LAMC2: variants seen among roughly 807,000 people sequenced by gnomAD.
LAMC2 encodes the protein laminin subunit gamma 2.
LAMC2 carries 97 observed loss-of-function variants against 140.2 expected under a neutral mutation model. The ratio of observed to expected loss-of-function variants is 0.69; its 90% CI spans 0.59 to 0.82. LAMC2 has a LOEUF of 0.82. Among genes scored for constraint, LAMC2 ranks in the 40% least tolerant of loss-of-function variants. The probability of loss-of-function intolerance (pLI) is 0.00; values close to 1 mark genes in which losing one functional copy is unlikely to be tolerated. For synonymous variants in LAMC2, 513 were observed against 540.2 expected, an observed-to-expected ratio of 0.95 and a Z score of 0.70; for missense variants, 1,402 against 1,476.1, an observed-to-expected ratio of 0.95 and a Z score of 0.82.
At chr1:183,257,717 C>G in the LAMC2 span, among the ~76,000 whole-genome samples, 1 of 150,830 alleles carries the variant, frequency 6.6e-6, no homozygotes, top group African/African-American at 2.4e-5. Flanking sequence ...GTTATAATGT[C>G]TACACTTTCA....
rs566540438 is a variant in LAMC2, at chr1:183,218,334, C to G, written c.405-56C>G. On this transcript the variant is annotated intron_variant, in intron 3 of 22. Transcript: ENST00000264144. ...CTCATGAGCAGTTGATTTTTATGTG[C>G]ATAGTTGTGAAGCATTTGGAAGCAT... 6.7e-6 allele frequency: 9 copies of G among 1,343,668 alleles called. No homozygotes were observed. In the African/African-American group the frequency reaches 1.1e-4, roughly 17 times the overall value. The allele number at this position is 1,343,668 out of a possible 1,614,324, so 83.2% of individuals were successfully genotyped here. A position where few individuals can be genotyped will look rare whatever the true frequency, so the allele number is the denominator to read the frequency against.
At chr1:183,234,142 C>T (rs1460047720) in intron 14 of LAMC2, among the ~76,000 whole-genome samples, 1 of 152,198 alleles carries the variant, frequency 6.6e-6, no homozygotes. Context: ...CCGCCCTGGC[C>T]TCCCAAAGTG....
intron 1 of LAMC2, among the ~76,000 whole-genome samples, chr1:183,187,080 G>A (rs1658177628): frequency 6.6e-6 from 1 of 152,180 alleles, no homozygotes; most frequent in South Asian, 2.1e-4. Context: ...TGAGAACCTA[G>A]CAACTCTTAA....
intron 1 of LAMC2, among the ~76,000 whole-genome samples, chr1:183,195,657 A>G (rs1658489920): frequency 6.6e-6 from 1 of 152,208 alleles, no homozygotes; most frequent in Admixed American, 6.5e-5. Flanking sequence ...AAAATTTGCA[A>G]AAGAAGCCTA....
At chr1:183,253,692 A>G in the LAMC2 span, among the ~76,000 whole-genome samples, 2 of 151,258 alleles carry the variant, frequency 1.3e-5, no homozygotes, top group African/African-American at 4.9e-5. Context: ...CCTTTGATCT[A>G]TATCTCCCCA....
chr1:183,257,635 A>G, the LAMC2 span, among the ~76,000 whole-genome samples: 1 of 152,146 alleles, frequency 6.6e-6, no homozygotes, highest in East Asian at 1.9e-4. Context: ...CCTGCCCTCT[A>G]GGTTACCAAA....
At chr1:183,234,863 C>A (rs1369797632) in intron 15 of LAMC2, among the ~76,000 whole-genome samples, 1 of 150,984 alleles carries the variant, frequency 6.6e-6, no homozygotes, top group African/African-American at 2.5e-5. Context: ...GGGGGAACTT[C>A]CTCCTGAAAA....
Position 183,243,355 on chromosome 1 carries a change from C to G in LAMC2, c.3537C>G (p.Asn1179Lys). The change falls in exon 23 of 23, where the codon AAC (asparagine) becomes AAG (lysine). Residue 1179 changes from asparagine to lysine, a missense_variant. Asn to Lys is a moderately conservative substitution (Grantham distance 94). Coordinates refer to ENST00000264144, the MANE Select transcript of LAMC2 (RefSeq NM_005562.3). The stretch of plus-strand genomic sequence containing the variant: ...AGAACTTGGAGAACATTAGGGACAA[C>G]CTGCCCCCAGGCTGCTACAATACCC... The part of the protein sequence containing the change: ...DVKNLENIRD[N>K]LPPGCYNTQA... The G allele has an allele frequency of 6.2e-7, 1 of 1,614,178 alleles. No homozygotes were observed. Among genetic ancestry groups the G allele is most frequent in the Non-Finnish European group, 8.5e-7 (1 of 1,180,032 alleles).
intron 1 of LAMC2, among the ~76,000 whole-genome samples, chr1:183,203,436 G>A (rs537848310): frequency 1.3e-5 from 2 of 152,270 alleles, no homozygotes; most frequent in South Asian, 4.1e-4. Context: ...CCAGTTGCAG[G>A]AATATTCTAG....
intron 1 of LAMC2, among the ~76,000 whole-genome samples, chr1:183,205,775 TAAATA>T (rs2102192028): frequency 6.6e-6 from 1 of 151,226 alleles, no homozygotes; most frequent in East Asian, 2.0e-4. Flanking sequence ...GTCTGTTGGA[TAAATA>T]AAAGAATAAA....
chr1:183,186,574 G>A (rs1658159341), intron 1 of LAMC2, 143 bp downstream of exon 1: 2 of 782,152 alleles, frequency 2.6e-6, no homozygotes, highest in African/African-American at 2.6e-5. Flanking sequence ...CCCCTATCTG[G>A]GGCTCCTCCA....
Position 183,225,765 on chromosome 1 carries a change from T to C in LAMC2, c.1066+45T>C, listed in dbSNP as rs765837175. 4 of 1,312,304 alleles carry C rather than the reference T, an allele frequency of 3.0e-6. 1 individual carries two copies. In the South Asian group the frequency reaches 3.5e-5, roughly 12 times the overall value. 81.3% of individuals were successfully genotyped at this position (1,312,304 alleles called of 1,614,324 possible). ...TAATTTCTTTCTTCTTAGGTGTTAG[T>C]TTAATTTGATTCAGCTCTCTAAGGT... On this transcript the variant is annotated intron_variant, in intron 8 of 22. Coordinates refer to ENST00000264144, the MANE Select transcript of LAMC2 (RefSeq NM_005562.3).
intron 1 of LAMC2, among the ~76,000 whole-genome samples, chr1:183,204,321 A>G (rs1427510939): frequency 6.6e-6 from 1 of 152,052 alleles, no homozygotes; most frequent in Non-Finnish European, 1.5e-5. Flanking sequence ...TAGGCTGGGT[A>G]TGGTGGTGCA....
chr1:183,228,380 G>C lies in LAMC2; in HGVS notation c.1475G>C (p.Arg492Pro). 1.2e-6 allele frequency: 2 copies of C among 1,614,084 alleles called. No individual in the cohort carries two copies. The highest frequency in any genetic ancestry group is 1.7e-6 in the Non-Finnish European group (2 of 1,180,018). Residue 492 changes from arginine (R) to proline (P), a missense_variant, in exon 11 of 23, where the codon CGC becomes CCC. By Grantham distance (103) the Arg-to-Pro change is moderately radical (BLOSUM62 -2). Transcript: ENST00000264144. The surrounding 1 kb of genome is among the most constrained non-coding windows in gnomAD (Gnocchi z 4.3). ...NNCPPGVTGA[R>P]CELCADGYFG... The stretch of plus-strand genomic sequence containing the variant: ...GTCATTTGTTCCTTCCCAGGTGCCC[G>C]CTGTGAGCTCTGTGCTGATGGCTAC...
chr1:183,222,388 A>C (rs1369562399), intron 6 of LAMC2, among the ~76,000 whole-genome samples, 177 bp downstream of exon 6: 1 of 152,162 alleles, frequency 6.6e-6, no homozygotes, highest in African/African-American at 2.4e-5. Flanking sequence ...AGAGTCACTA[A>C]GGAATGGCCC....
At chr1:183,245,297 G>A (rs972423135), downstream of LAMC2, among the ~76,000 whole-genome samples, 2 of 152,188 alleles carry the variant, frequency 1.3e-5, no homozygotes, top group African/African-American at 2.4e-5. Context: ...AAGCGGCTGA[G>A]GAAACAATTC....
chr1:183,207,410 G>A (rs1312450399), intron 1 of LAMC2, among the ~76,000 whole-genome samples: 1 of 152,106 alleles, frequency 6.6e-6, no homozygotes, highest in East Asian at 1.9e-4. Context: ...GGCACCGGTG[G>A]GATGGGTGTT....
chr1:183,192,511 G>T (rs1199845768), intron 1 of LAMC2, among the ~76,000 whole-genome samples: 1 of 152,088 alleles, frequency 6.6e-6, no homozygotes, highest in Non-Finnish European at 1.5e-5. Flanking sequence ...TTATGCATGA[G>T]AAAAATGACA....
chr1:183,251,051 C>T, the LAMC2 span: 1 of 152,082 alleles, frequency 6.6e-6, no homozygotes, highest in Non-Finnish European at 1.5e-5. Flanking sequence ...TATGGCTCTC[C>T]AAGCAGGACA....
Sources: allele counts gnomAD v4.1 joint callset (sites outside exome capture counted in the v4.1 genomes callset), GRCh38; gene constraint gnomAD v4.1.1; non-coding constraint Gnocchi (gnomAD v3.1); transcripts MANE v1.5; gene names NCBI Gene and HGNC (gene_info 2026-07-23, HGNC 2026-07-21).